Variants in MAPK6 observed in about 807,000 individuals in gnomAD.
The protein encoded by MAPK6 is ERK-3.
In MAPK6, 19 loss-of-function variants were observed where a neutral mutation model predicts 59.3. The ratio of observed to expected loss-of-function variants is 0.32; its 90% confidence interval spans 0.22 to 0.47. The LOEUF (loss-of-function observed/expected upper bound fraction) is 0.47, where lower values mean the gene tolerates loss of function less well. MAPK6 is among the 20% of genes least tolerant of loss of function. MAPK6 has a pLI of 1.00. For missense variants in MAPK6, 724 were observed against 847.9 expected (o/e 0.85, Z 1.81); for synonymous variants, 316 against 290.3 (o/e 1.09, Z -0.90).
intron 2 of MAPK6, 109 bp from the exon 3 acceptor site, chr15:52,049,884 A>T (rs1421372954): frequency 3.0e-6 from 3 of 1,012,452 alleles, no homozygotes; most frequent in African/African-American, 3.2e-5. Flanking sequence ...AAATGCTGGG[A>T]TTACAGGCAT....
At chr15:52,063,815 C>T in intron 5 of MAPK6, 87 bp from the exon 6 acceptor site, 1 of 1,202,612 alleles carries the variant, frequency 8.3e-7, no homozygotes, top group Non-Finnish European at 1.2e-6. Context: ...ATAGACCTAG[C>T]ACAGTGCTGT....
chr15:52,007,699 A>G (rs951687833), intron 3 of MAPK6, among the ~76,000 whole-genome samples: 5 of 129,748 alleles, frequency 3.9e-5, no homozygotes, highest in Non-Finnish European at 8.8e-5. Context: ...CTAGAGCTCT[A>G]TCTCAAAAAA....
intron 3 of MAPK6, among the ~76,000 whole-genome samples, chr15:52,008,956 T>C (rs1202131754): frequency 1.3e-5 from 2 of 152,082 alleles, no homozygotes; most frequent in African/African-American, 4.8e-5. Context: ...TATCAAGTGG[T>C]AAATGGGAGG....
At chr15:51,993,136 T>A (rs1298623909) in intron 2 of MAPK6, among the ~76,000 whole-genome samples, 1 of 152,046 alleles carries the variant, frequency 6.6e-6, no homozygotes, top group Non-Finnish European at 1.5e-5. Flanking sequence ...TATTCAGGAG[T>A]GTACCAAAAG....
chr15:52,047,874 A>T (rs2031643939), intron 2 of MAPK6, among the ~76,000 whole-genome samples: 1 of 152,100 alleles, frequency 6.6e-6, no homozygotes, highest in Non-Finnish European at 1.5e-5. Context: ...AATTCACATA[A>T]ACAATTGGTA....
At chr15:52,023,586 G>A (rs2030630536) in intron 1 of MAPK6, among the ~76,000 whole-genome samples, 1 of 152,164 alleles carries the variant, frequency 6.6e-6, no homozygotes, top group South Asian at 2.1e-4. Context: ...GGAAAATAAT[G>A]TGTGTCTCTC....
chr15:52,046,340 C>T lies in MAPK6; in HGVS notation c.-121C>T. 1 of 744,570 alleles carries T rather than the reference C, an allele frequency of 1.3e-6. No homozygotes were observed. The highest frequency in any genetic ancestry group is 2.5e-5 in the Admixed American group (1 of 39,830). The allele number at this position is 744,570 out of a possible 1,614,324, so 46.1% of individuals were successfully genotyped here. A position where few individuals can be genotyped will look rare whatever the true frequency, so the allele number is the denominator to read the frequency against. On this transcript the variant is annotated 5_prime_UTR_variant, in exon 2 of 6. Transcript: ENST00000261845. Reference sequence around the variant, plus strand: ...CAATGAACATCAAGAAACCATCTTGCTGTGGAAGCATAATTATTTTTCTTC... The same window carrying T: ...CAATGAACATCAAGAAACCATCTTGTTGTGGAAGCATAATTATTTTTCTTC...
rs1248688494 is a variant in MAPK6, at chr15:52,065,612, T to C, written c.*612T>C. The stretch of plus-strand genomic sequence containing the variant: ...CTTAATAAAACTCACTCACTGTTTA[T>C]AAATGTTCTGGTATGCATTCTTTAT... On this transcript the variant is annotated 3_prime_UTR_variant, in exon 6 of 6. Coordinates refer to ENST00000261845, the MANE Select transcript of MAPK6 (RefSeq NM_002748.4). The C allele has an allele frequency of 6.5e-6, 1 of 152,678 alleles. No homozygotes were observed. The highest frequency in any genetic ancestry group is 1.5e-5 in the Non-Finnish European group (1 of 68,030). The allele number at this position is 152,678 out of a possible 1,614,324, so 9.5% of individuals were successfully genotyped here. A position where few individuals can be genotyped will look rare whatever the true frequency, so the allele number is the denominator to read the frequency against.
At chr15:52,021,886 T>G (rs1387063798) in intron 1 of MAPK6, among the ~76,000 whole-genome samples, 3 of 151,448 alleles carry the variant, frequency 2.0e-5, no homozygotes, top group Non-Finnish European at 4.4e-5. Context: ...TTTTTCATGG[T>G]TTTTTTTTAA....
chr15:52,060,623 T>C (rs111737384), intron 4 of MAPK6, among the ~76,000 whole-genome samples: 3 of 152,278 alleles, frequency 2.0e-5, no homozygotes, highest in African/African-American at 7.2e-5. Context: ...GGTGTAAATA[T>C]AGCTTTCAGG....
At chr15:52,051,000 T>A (rs2031759734) in intron 3 of MAPK6, among the ~76,000 whole-genome samples, 1 of 152,122 alleles carries the variant, frequency 6.6e-6, no homozygotes, top group Admixed American at 6.6e-5. Flanking sequence ...GTTGGGGAAG[T>A]GGTGTGATAG....
intron 3 of MAPK6, among the ~76,000 whole-genome samples, chr15:52,053,828 CGG>C (rs1189783028): frequency 6.6e-6 from 1 of 151,350 alleles, no homozygotes; most frequent in Non-Finnish European, 1.5e-5. Context: ...TTAGTAGAGA[CGG>C]GGTTCACCAC....
intron 1 of MAPK6, chr15:52,042,794 T>C (rs1402103509): frequency 6.6e-6 from 1 of 152,208 alleles, no homozygotes; most frequent in Non-Finnish European, 1.5e-5. Context: ...ATGTAAAACA[T>C]GACTGAGCTT....
At chr15:52,020,170 G>T (rs1358858576) in intron 1 of MAPK6, 1 of 152,300 alleles carries the variant, frequency 6.6e-6, no homozygotes, top group Admixed American at 6.5e-5. Context: ...ACCAAAAAGG[G>T]CCTTGTCACT....
intron 1 of MAPK6, among the ~76,000 whole-genome samples, chr15:52,024,878 CTTTTTTTTTTTTT>C (rs35983896): frequency 2.4e-5 from 2 of 84,150 alleles, no homozygotes; most frequent in Non-Finnish European, 4.3e-5. Flanking sequence ...CATACACTGC[CTTTTTTTTTTTTT>C]TTTTTTTTTT....
chr15:52,061,944 A>C (rs1596014711), intron 5 of MAPK6, among the ~76,000 whole-genome samples: 1 of 152,244 alleles, frequency 6.6e-6, no homozygotes. Context: ...CTGTGATTTT[A>C]TGAATGTCAA....
intron 1 of MAPK6, among the ~76,000 whole-genome samples, chr15:51,979,754 A>G (rs1378429019): frequency 6.6e-6 from 1 of 151,744 alleles, no homozygotes; most frequent in Non-Finnish European, 1.5e-5. Context: ...AGATTGCGCC[A>G]CTGCACTCCA....
chr15:52,016,804 C>T (rs915694520), upstream of MAPK6, among the ~76,000 whole-genome samples: 4 of 152,048 alleles, frequency 2.6e-5, no homozygotes, highest in Admixed American at 6.6e-5. Flanking sequence ...CCAGCACTTT[C>T]GGAGGGCAAG....
intron 1 of MAPK6, among the ~76,000 whole-genome samples, chr15:52,043,423 G>A (rs890590727): frequency 2.6e-5 from 4 of 151,410 alleles, no homozygotes; most frequent in East Asian, 2.0e-4. Flanking sequence ...TCAGCCTCCC[G>A]AGTAGCTGGG....
Sources: gnomAD v4.1 joint callset for allele counts (sites outside exome capture counted in the v4.1 genomes callset) on GRCh38, gnomAD v4.1.1 for gene constraint, MANE v1.5 for transcripts, NCBI Gene and HGNC (gene_info 2026-07-23, HGNC 2026-07-21) for gene names.